The following RREB1 variants were observed in gnomAD, a reference collection of about 807,000 sequenced individuals.
RREB1 encodes ras responsive element binding protein 1.
In RREB1, 27 loss-of-function variants were observed where a neutral mutation model predicts 117.8. The ratio of observed to expected loss-of-function variants is 0.23; its 90% CI spans 0.17 to 0.32. The LOEUF is 0.32. Ranked by LOEUF, RREB1 falls within the 10% of genes least tolerant of loss-of-function variation. The pLI is 1.00. For synonymous variants in RREB1, 1,298 were observed against 1,026.7 expected (o/e 1.26, Z -5.05); for missense variants, 2,577 against 2,378.2 (o/e 1.08, Z -1.74).
chr6:7,154,675 G>C (rs1763278460), intron 1 of RREB1, among the ~76,000 whole-genome samples: 1 of 152,128 alleles, frequency 6.6e-6, no homozygotes, highest in Non-Finnish European at 1.5e-5. Flanking sequence ...ACTGTCTAAG[G>C]GTCAGGCCAC....
intron 1 of RREB1, among the ~76,000 whole-genome samples, chr6:7,176,334 C>T (rs1255055923): frequency 6.6e-6 from 1 of 152,134 alleles, no homozygotes; most frequent in Non-Finnish European, 1.5e-5. Context: ...GTGAACATGC[C>T]ATTAGGATGC....
In RREB1 at chr6:7,246,511, C is replaced by T. The variant is rs1769037757; in HGVS notation, c.4061C>T (p.Ala1354Val). 6.5e-7 allele frequency: 1 copy of T among 1,545,946 alleles called. No individual in the cohort carries two copies. Among genetic ancestry groups the T allele is most frequent in the Non-Finnish European group, 8.7e-7 (1 of 1,145,548 alleles). The change falls in exon 12 of 13, where the codon GCC becomes GTC. Residue 1354 changes from alanine to valine, a missense_variant. Ala to Val is a moderately conservative substitution (Grantham distance 64). Coordinates refer to ENST00000379938, the MANE Select transcript of RREB1 (RefSeq NM_001003699.4). ...SRDREQPSEG[A>V]TELRQVAGDA... ...GACAGAGAGCAGCCGTCGGAGGGCG[C>T]CACTGAGCTCCGCCAGGTCGCAGGG...
intron 1 of RREB1, among the ~76,000 whole-genome samples, chr6:7,140,228 T>C (rs934737539): frequency 6.6e-6 from 1 of 152,260 alleles, no homozygotes; most frequent in African/African-American, 2.4e-5. Context: ...CAAGTGACTT[T>C]AAAACATGGT....
chr6:7,161,959 T>C (rs1396177276), intron 1 of RREB1, among the ~76,000 whole-genome samples: 1 of 152,180 alleles, frequency 6.6e-6, no homozygotes, highest in Admixed American at 6.5e-5. Context: ...CTTTAAAAAT[T>C]GTGAGGAGGG....
intron 1 of RREB1, among the ~76,000 whole-genome samples, chr6:7,115,640 C>T (rs1033970671): frequency 3.3e-5 from 5 of 152,106 alleles, no homozygotes; most frequent in African/African-American, 4.8e-5. Context: ...TACGTGGTAA[C>T]GAGTCCTGTT....
At chr6:7,244,119 T>G (rs1297225582) in intron 11 of RREB1, among the ~76,000 whole-genome samples, 2 of 151,526 alleles carry the variant, frequency 1.3e-5, no homozygotes, top group African/African-American at 2.4e-5. Context: ...AAAAATTAGC[T>G]GGGCATGGTG....
At chr6:7,154,212 T>C (rs897578710) in intron 1 of RREB1, among the ~76,000 whole-genome samples, 2 of 152,234 alleles carry the variant, frequency 1.3e-5, no homozygotes, top group Non-Finnish European at 2.9e-5. Flanking sequence ...TAATGACACT[T>C]TGGTTCTCAA....
intron 8 of RREB1, chr6:7,216,397 G>T (rs1008138984): frequency 1.3e-5 from 2 of 152,158 alleles, no homozygotes; most frequent in Non-Finnish European, 2.9e-5. Flanking sequence ...ATTGACCCTG[G>T]TCATCTCTGA....
chr6:7,182,150 G>A (rs1000560586), intron 4 of RREB1, 68 bp downstream of exon 4: 22 of 1,369,188 alleles, frequency 1.6e-5, no homozygotes, highest in East Asian at 1.2e-4. Context: ...AGATGTTTCC[G>A]AGTTTCCTAT....
Position 7,131,426 on chromosome 6 carries a change from C to A in RREB1, c.-285+23366C>A, listed in dbSNP as rs1029262813. 9.9e-5 allele frequency among the ~76,000 whole-genome samples: 15 copies of A among 152,248 alleles called. No homozygotes were observed. In the East Asian group the frequency reaches 2.3e-3, roughly 23 times the overall value. On this transcript the variant is annotated intron_variant, in intron 1 of 12. Transcript: ENST00000379938. Reference sequence around the variant, plus strand: ...AACTTAATGTACAGGAGGCATTATACCTCTTGCAGTCTGTATTTCATCTGA... The same window carrying A: ...AACTTAATGTACAGGAGGCATTATAACTCTTGCAGTCTGTATTTCATCTGA...
intron 6 of RREB1, among the ~76,000 whole-genome samples, chr6:7,199,608 G>A (rs1229871343): frequency 6.6e-6 from 1 of 151,972 alleles, no homozygotes; most frequent in South Asian, 2.1e-4. Flanking sequence ...GTTCTATGAT[G>A]TTTACATATA....
intron 1 of RREB1, among the ~76,000 whole-genome samples, chr6:7,152,780 T>C (rs1350543589): frequency 6.6e-6 from 1 of 152,162 alleles, no homozygotes; most frequent in Non-Finnish European, 1.5e-5. Flanking sequence ...GTTTTTAAAA[T>C]GTGTGTGTGT....
chr6:7,158,176 A>G (rs1581466809), intron 1 of RREB1, among the ~76,000 whole-genome samples: 1 of 151,996 alleles, frequency 6.6e-6, no homozygotes, highest in East Asian at 1.9e-4. Context: ...ACTTCTTCCC[A>G]AGCACCATTT....
chr6:7,165,147 A>G (rs1316196752), intron 1 of RREB1, among the ~76,000 whole-genome samples: 1 of 152,200 alleles, frequency 6.6e-6, no homozygotes, highest in Non-Finnish European at 1.5e-5. Context: ...GCTGCAATGG[A>G]TGCCGGGTAG....
chr6:7,140,693 G>C (rs1488319357), intron 1 of RREB1: 1 of 152,246 alleles, frequency 6.6e-6, no homozygotes, highest in Non-Finnish European at 1.5e-5. Flanking sequence ...GCTGGACAGC[G>C]GGTTCGGGAT....
chr6:7,148,552 T>C (rs199967890), intron 1 of RREB1, among the ~76,000 whole-genome samples: 26 of 111,802 alleles, frequency 2.3e-4, no homozygotes, highest in African/African-American at 8.3e-4. Context: ...TGGGGGGGGG[T>C]GGGTATGTCA....
At chr6:7,146,594 A>G (rs1357787909) in intron 1 of RREB1, among the ~76,000 whole-genome samples, 1 of 152,126 alleles carries the variant, frequency 6.6e-6, no homozygotes, top group Non-Finnish European at 1.5e-5. Context: ...GGTCTGATAT[A>G]AGTTCTGCTT....
Position 7,246,666 on chromosome 6 carries a change from G to T in RREB1, c.4216G>T (p.Ala1406Ser). ...TEESTGDADG[A>S]EEDASSNQSL... ...GGAGAGCACTGGGGACGCCGACGGC[G>T]CGGAAGAGGACGCGTCGAGCAACCA... The change falls in exon 12 of 13, where the codon GCG becomes TCG. Residue 1406 changes from alanine (A) to serine (S), a missense_variant. Ala to Ser is a moderately conservative substitution (Grantham distance 99, BLOSUM62 1). Coordinates refer to ENST00000379938, the MANE Select transcript of RREB1 (RefSeq NM_001003699.4). 6.3e-7 allele frequency: 1 copy of T among 1,580,418 alleles called. No homozygotes were observed. The highest frequency in any genetic ancestry group is 8.6e-7 in the Non-Finnish European group (1 of 1,163,448).
intron 10 of RREB1, among the ~76,000 whole-genome samples, chr6:7,239,964 ACTT>A (rs1412113981): frequency 1.3e-5 from 2 of 152,164 alleles, no homozygotes; most frequent in South Asian, 2.1e-4. Flanking sequence ...GCTGTCCCTG[ACTT>A]CTTCTCTTCA....
Sources: allele counts gnomAD v4.1 joint callset (sites outside exome capture counted in the v4.1 genomes callset), GRCh38; gene constraint gnomAD v4.1.1; transcripts MANE v1.5; gene names NCBI Gene and HGNC (gene_info 2026-07-23, HGNC 2026-07-21).